Variants in GRIN2B observed in about 807,000 individuals in gnomAD.
GRIN2B encodes the protein glutamate ionotropic receptor NMDA type subunit 2B.
GRIN2B carries 5 observed loss-of-function variants against 114.5 expected under a neutral mutation model. That is an observed-to-expected ratio of 0.04 (90% CI 0.02 to 0.09). GRIN2B has a LOEUF of 0.09. Ranked by LOEUF, GRIN2B falls within the 10% of genes least tolerant of loss-of-function variation. The pLI is 1.00. For synonymous variants in GRIN2B, 787 were observed against 745.1 expected (o/e 1.06, Z -0.92); for missense variants, 1,108 against 1,943.5 (o/e 0.57, Z 8.08).
intron 5 of GRIN2B, among the ~76,000 whole-genome samples, chr12:13,629,709 C>T (rs1949601489): frequency 6.6e-6 from 1 of 151,828 alleles, no homozygotes; most frequent in African/African-American, 2.4e-5. Flanking sequence ...TCTTGCCTCC[C>T]TGCCTTTGTT....
chr12:13,873,690 C>T (rs1314373328), intron 2 of GRIN2B, among the ~76,000 whole-genome samples: 1 of 152,128 alleles, frequency 6.6e-6, no homozygotes, highest in Non-Finnish European at 1.5e-5. Context: ...TGAGACTGTG[C>T]CCCTGTGAAA....
Position 13,564,814 on chromosome 12 carries a change from T to C in GRIN2B, c.2599-175A>G, listed in dbSNP as rs1948616868. On this transcript the variant is annotated intron_variant, in intron 13 of 13. Transcript: ENST00000609686. This position sits in a 1 kb window ranked among gnomAD's most constrained non-coding sequence, Gnocchi z 4.8. ...AGTTTGCCTAATTTATACCCCTAAA[T>C]TTGGTGACTGTCATGTGGTGAGCTG... is the stretch of plus-strand genomic sequence containing the variant. Among the ~76,000 whole-genome samples the C allele has an allele frequency of 6.6e-6, 1 of 152,182 alleles. No individual in the cohort carries two copies. The highest frequency in any genetic ancestry group is 6.5e-5 in the Admixed American group (1 of 15,290).
chr12:13,624,204 G>A lies in GRIN2B; in HGVS notation c.1126-7547C>T, dbSNP rs552821862. Among the ~76,000 whole-genome samples, 237 of 152,248 alleles carry A rather than the reference G, an allele frequency of 1.6e-3. 1 individual carries two copies. The highest frequency in any genetic ancestry group is 2.3e-3 in the Non-Finnish European group (157 of 68,020). On this transcript the variant is annotated intron_variant, in intron 5 of 13. Transcript: ENST00000609686. Reference sequence around the variant, plus strand: ...CTCTGAACTGGTCCTTAAGCCCTTCGAGGGCAGGGACTATATTAGATTGCC... The same window carrying A: ...CTCTGAACTGGTCCTTAAGCCCTTCAAGGGCAGGGACTATATTAGATTGCC...
At position 13,547,983 on chromosome 12, in the gene GRIN2B, T is replaced by TATATA. The variant is rs1565444927; in HGVS notation, c.*14799_*14800insTATAT. On this transcript the variant is annotated 3_prime_UTR_variant, in exon 14 of 14. Coordinates refer to ENST00000609686, the MANE Select transcript of GRIN2B (RefSeq NM_000834.5). ...TGTATATATATATATATATATATAT[T>TATATA]TTTTTTTTTTTTCTGAAAGCTACAG... 4.2e-4 allele frequency: 32 copies of TATATA among 76,694 alleles called. No individual in the cohort carries two copies. Among genetic ancestry groups the TATATA allele is most frequent in the African/African-American group, 1.5e-3 (24 of 16,182 alleles). The allele number at this position is 76,694 out of a possible 1,614,324, so 4.8% of individuals were successfully genotyped here.
At chr12:13,755,967 A>G (rs1179866477) in intron 3 of GRIN2B, among the ~76,000 whole-genome samples, 1 of 152,194 alleles carries the variant, frequency 6.6e-6, no homozygotes, top group African/African-American at 2.4e-5. Context: ...CACCAAATCT[A>G]CTGGCACCTT....
intron 10 of GRIN2B, among the ~76,000 whole-genome samples, chr12:13,581,926 A>G (rs1481981960): frequency 6.6e-6 from 1 of 151,194 alleles, no homozygotes; most frequent in Non-Finnish European, 1.5e-5. Context: ...AAAAAAAAAA[A>G]GACAATTTAT....
At chr12:13,585,151 T>C (rs1948901767) in intron 10 of GRIN2B, among the ~76,000 whole-genome samples, 2 of 152,206 alleles carry the variant, frequency 1.3e-5, no homozygotes, top group African/African-American at 4.8e-5. Context: ...GATTTCCACA[T>C]GCAAGATTCC....
At chr12:13,897,317 G>T (rs575840823) in intron 2 of GRIN2B, among the ~76,000 whole-genome samples, 9 of 152,194 alleles carry the variant, frequency 5.9e-5, no homozygotes, top group Non-Finnish European at 1.3e-4. Flanking sequence ...TACTCCATTA[G>T]CACACTCTAA....
In GRIN2B at chr12:13,594,199, T is replaced by C. The variant is rs180723787; in HGVS notation, c.2010+14404A>G. Among the ~76,000 whole-genome samples the C allele has an allele frequency of 4.6e-5, 7 of 152,276 alleles. No individual in the cohort carries two copies. The East Asian group carries it at 1.4e-3, about 29-fold the overall frequency. ...GTATATACCCAAAGGATTATAAATC[T>C]TTCTACTATAAAGACACATGCACAC... is the stretch of plus-strand genomic sequence containing the variant. On this transcript the variant is annotated intron_variant, in intron 10 of 13. Transcript: ENST00000609686.
rs997025667 is a variant in GRIN2B at position 13,615,756 on chromosome 12, A to G, written c.1329-92T>C. 8.4e-6 allele frequency: 9 copies of G among 1,066,334 alleles called. No individual in the cohort carries two copies. In the Admixed American group the frequency reaches 1.4e-4, roughly 16 times the overall value. The allele number at this position is 1,066,334 out of a possible 1,614,324, so 66.1% of individuals were successfully genotyped here. On this transcript the variant is annotated intron_variant, in intron 6 of 13. Coordinates refer to ENST00000609686, the MANE Select transcript of GRIN2B (RefSeq NM_000834.5). The surrounding 1 kb of genome is among the most constrained non-coding windows in gnomAD (Gnocchi z 5.8). ...ACCCTTTGCCATTAAAAAACCTCCA[A>G]TCCCAAAGCAGGCCCCCTTCACAGC...
At chr12:13,897,897 G>C (rs1866378749) in intron 2 of GRIN2B, among the ~76,000 whole-genome samples, 2 of 151,650 alleles carry the variant, frequency 1.3e-5, no homozygotes, top group Admixed American at 6.6e-5. Context: ...CCTGGGCCCA[G>C]ATTATCTTAA....
Position 13,564,238 on chromosome 12 carries a change from G to A in GRIN2B, c.3000C>T (p.Ile1000=), listed in dbSNP as rs772837930. The A allele has an allele frequency of 9.9e-6, 16 of 1,614,074 alleles. No individual in the cohort carries two copies. Among genetic ancestry groups the A allele is most frequent in the African/African-American group, 8.0e-5 (6 of 74,924 alleles). Residue 1000 remains isoleucine (I), a synonymous_variant, in exon 14 of 14, where the codon ATC becomes ATT. Coordinates refer to ENST00000609686, the MANE Select transcript of GRIN2B (RefSeq NM_000834.5). The surrounding 1 kb of genome is among the most constrained non-coding windows in gnomAD (Gnocchi z 4.8). ...GGTTGTCACAGTCGTAGAGCCCATC[G>A]ATGGAGCTGGCACTGCCAATACTAT... ...RPHSIGSASS[I]DGLYDCDNPP...
At chr12:13,965,195 G>A (rs916792720) in intron 2 of GRIN2B, among the ~76,000 whole-genome samples, 1 of 152,160 alleles carries the variant, frequency 6.6e-6, no homozygotes, top group Non-Finnish European at 1.5e-5. Flanking sequence ...AGATCTAATA[G>A]GATTTGTTCT....
rs1407275004 is a variant in GRIN2B, at chr12:13,683,040, C to A, written c.1011-7181G>T. On this transcript the variant is annotated intron_variant, in intron 4 of 13. Coordinates refer to ENST00000609686, the MANE Select transcript of GRIN2B (RefSeq NM_000834.5). ...GAATTTTAAGGAGTTCTGTCACCAG[C>A]TGTGATAACCTCCTATCTATGCCAC... 2.0e-5 allele frequency among the ~76,000 whole-genome samples: 3 copies of A among 152,124 alleles called. No homozygotes were observed. The East Asian group carries it at 5.8e-4, about 29-fold the overall frequency.
intron 4 of GRIN2B, among the ~76,000 whole-genome samples, chr12:13,745,605 G>T (rs1372284197): frequency 6.6e-6 from 1 of 152,234 alleles, no homozygotes; most frequent in Non-Finnish European, 1.5e-5. Flanking sequence ...ACCGCTCTGA[G>T]ACTGTGTTTT....
intron 2 of GRIN2B, among the ~76,000 whole-genome samples, chr12:13,898,597 C>T (rs1486302850): frequency 1.3e-5 from 2 of 152,188 alleles, no homozygotes; most frequent in South Asian, 4.1e-4. Context: ...CATTTCCTGG[C>T]ACATTCTCTA....
chr12:13,887,078 C>T (rs1043082471), intron 2 of GRIN2B, among the ~76,000 whole-genome samples: 4 of 152,144 alleles, frequency 2.6e-5, no homozygotes, highest in Non-Finnish European at 5.9e-5. Flanking sequence ...TGCGCATGCT[C>T]TTAATCACTA....
At chr12:13,633,945 C>A (rs936538861) in intron 5 of GRIN2B, among the ~76,000 whole-genome samples, 1 of 151,796 alleles carries the variant, frequency 6.6e-6, no homozygotes, top group African/African-American at 2.4e-5. Flanking sequence ...GATGGAAGAG[C>A]TGGGTCACAG....
At position 13,638,223 on chromosome 12, in the gene GRIN2B, C is replaced by A. The variant is rs549591749; in HGVS notation, c.1126-21566G>T. Among the ~76,000 whole-genome samples the A allele has an allele frequency of 2.6e-5, 4 of 152,222 alleles. No homozygotes were observed. In the South Asian group the frequency reaches 8.3e-4, roughly 32 times the overall value. On this transcript the variant is annotated intron_variant, in intron 5 of 13. Transcript: ENST00000609686. ...CAAGAGACAACTTCTCAGACAAGGG[C>A]ACCTCCCTTGACCCTGTTTTTCACA...
Sources: allele counts gnomAD v4.1 joint callset (sites outside exome capture counted in the v4.1 genomes callset), GRCh38; gene constraint gnomAD v4.1.1; non-coding constraint Gnocchi (gnomAD v3.1); transcripts MANE v1.5; gene names NCBI Gene and HGNC (gene_info 2026-07-23, HGNC 2026-07-21).